The following DCC variants were observed in gnomAD, a reference collection of about 807,000 sequenced individuals.
DCC encodes netrin receptor DCC.
In DCC, 58 loss-of-function variants were observed where a neutral mutation model predicts 172.5. The ratio of observed to expected loss-of-function variants is 0.34; its 90% CI spans 0.27 to 0.42. DCC has a LOEUF of 0.42. Among genes scored for constraint, DCC ranks in the 10% least tolerant of loss-of-function variants. The pLI is 1.00. For synonymous variants in DCC, 709 were observed against 644.5 expected, an observed-to-expected ratio of 1.10 and a Z score of -1.52; for missense variants, 1,740 against 1,791.0, an observed-to-expected ratio of 0.97 and a Z score of 0.51.
At chr18:53,027,762 T>C (rs1199500275) in intron 5 of DCC, among the ~76,000 whole-genome samples, 1 of 152,126 alleles carries the variant, frequency 6.6e-6, no homozygotes, top group East Asian at 1.9e-4. Flanking sequence ...CTTTTACAGC[T>C]TTACTCTCCT....
chr18:53,210,874 C>T (rs554537190), intron 11 of DCC, among the ~76,000 whole-genome samples: 24 of 151,870 alleles, frequency 1.6e-4, no homozygotes, highest in African/African-American at 4.8e-4. Context: ...TAATTTAGCT[C>T]GGCTTTATTT....
chr18:52,889,307 C>A (rs1309577539), intron 2 of DCC, among the ~76,000 whole-genome samples: 33 of 151,988 alleles, frequency 2.2e-4, no homozygotes. Context: ...TTTCATTAAA[C>A]CACTAGGGAG....
chr18:52,614,155 G>A (rs1213144649), intron 1 of DCC, among the ~76,000 whole-genome samples: 2 of 152,158 alleles, frequency 1.3e-5, no homozygotes, highest in African/African-American at 4.8e-5. Context: ...CCCTGCTGGT[G>A]AAATTAATTC....
At chr18:52,856,636 A>AAAAAAAAAAAAAAAAAAC (rs2039059751) in intron 2 of DCC, among the ~76,000 whole-genome samples, 1 of 150,008 alleles carries the variant, frequency 6.7e-6, no homozygotes, top group Non-Finnish European at 1.5e-5. Context: ...AAAAAAAAAA[A>AAAAAAAAAAAAAAAAAAC]AAAAAAAGAA....
rs180927775 is a variant in DCC at position 52,627,505 on chromosome 18, T to C, written c.92-124549T>C. ...ATGCAAAATGAGAATAGTGTGATTTTATGATGCGTTGTATATAAAGAGAGG... is the reference window on the plus strand; with the variant it reads ...ATGCAAAATGAGAATAGTGTGATTTCATGATGCGTTGTATATAAAGAGAGG... On this transcript the variant is annotated intron_variant, in intron 1 of 28. Coordinates refer to ENST00000442544, the MANE Select transcript of DCC (RefSeq NM_005215.4). Among the ~76,000 whole-genome samples, 260 of 152,358 alleles carry C rather than the reference T, an allele frequency of 1.7e-3. 2 individuals are homozygous for C. The highest frequency in any genetic ancestry group is 6.0e-3 in the African/African-American group (248 of 41,586).
chr18:52,585,448 G>C (rs531615647), intron 1 of DCC, among the ~76,000 whole-genome samples: 11 of 152,214 alleles, frequency 7.2e-5, no homozygotes, highest in Admixed American at 7.2e-4. Flanking sequence ...GTTCATAGCA[G>C]TAAAAATAAT....
chr18:53,419,539 TC>T (rs773897197), intron 21 of DCC, among the ~76,000 whole-genome samples: 6 of 152,080 alleles, frequency 3.9e-5, no homozygotes, highest in Non-Finnish European at 8.8e-5. Flanking sequence ...TTTGATTTTT[TC>T]CCTTTTTTTC....
intron 12 of DCC, among the ~76,000 whole-genome samples, chr18:53,230,399 T>A (rs2056103378): frequency 6.6e-6 from 1 of 152,100 alleles, no homozygotes; most frequent in African/African-American, 2.4e-5. Flanking sequence ...CAGAATTTTT[T>A]AATGTTTGTT....
At chr18:53,408,502 C>T (rs769922684) in intron 19 of DCC, among the ~76,000 whole-genome samples, 4 of 152,148 alleles carry the variant, frequency 2.6e-5, no homozygotes, top group Non-Finnish European at 2.9e-5. Context: ...TATCTGCTAG[C>T]AAGGCAGATG....
At chr18:52,836,178 C>T (rs1346909231) in intron 2 of DCC, among the ~76,000 whole-genome samples, 1 of 152,158 alleles carries the variant, frequency 6.6e-6, no homozygotes, top group Non-Finnish European at 1.5e-5. Context: ...ATTCAGTTAT[C>T]TCCACCTGGT....
At chr18:53,012,200 G>A (rs1402378846) in intron 5 of DCC, among the ~76,000 whole-genome samples, 2 of 151,866 alleles carry the variant, frequency 1.3e-5, no homozygotes, top group Non-Finnish European at 2.9e-5. Flanking sequence ...ATATCCTAGA[G>A]ATACAAGTGC....
intron 1 of DCC, among the ~76,000 whole-genome samples, chr18:52,726,505 C>A (rs1482768630): frequency 3.3e-5 from 5 of 152,302 alleles, no homozygotes; most frequent in African/African-American, 1.2e-4. Context: ...CCTGGTCTCA[C>A]AATGCACCTG....
intron 1 of DCC, among the ~76,000 whole-genome samples, chr18:52,656,489 A>G (rs902765096): frequency 5.3e-5 from 8 of 152,200 alleles, no homozygotes; most frequent in East Asian, 3.9e-4. Context: ...GTATCTTGTT[A>G]TAACCCAAAT....
At chr18:52,875,921 T>A (rs2039397549) in intron 2 of DCC, among the ~76,000 whole-genome samples, 1 of 152,138 alleles carries the variant, frequency 6.6e-6, no homozygotes, top group African/African-American at 2.4e-5. Context: ...TGCCCAAGGA[T>A]GAAGAAATCA....
At chr18:53,087,630 G>T (rs369511547) in intron 7 of DCC, among the ~76,000 whole-genome samples, 23 of 152,096 alleles carry the variant, frequency 1.5e-4, no homozygotes, top group Admixed American at 4.6e-4. Flanking sequence ...GTCAATTTTG[G>T]CTTTTGTTGC....
chr18:52,856,559 G>A (rs1466391259), intron 2 of DCC, among the ~76,000 whole-genome samples: 2 of 144,952 alleles, frequency 1.4e-5, no homozygotes, highest in African/African-American at 5.2e-5. Flanking sequence ...CCGGGAGGCG[G>A]AGCTTGCAGT....
chr18:53,147,269 C>A (rs998315592), intron 7 of DCC, among the ~76,000 whole-genome samples: 1 of 152,160 alleles, frequency 6.6e-6, no homozygotes, highest in South Asian at 2.1e-4. Flanking sequence ...TCACCGTCCT[C>A]CTTCTCAGAA....
At chr18:53,022,000 G>A (rs957249945) in intron 5 of DCC, among the ~76,000 whole-genome samples, 1 of 151,984 alleles carries the variant, frequency 6.6e-6, no homozygotes, top group Admixed American at 6.6e-5. Context: ...TTAAAATGTT[G>A]GGAAAGCTAT....
At chr18:53,006,612 G>A (rs2041651010) in intron 5 of DCC, among the ~76,000 whole-genome samples, 1 of 152,200 alleles carries the variant, frequency 6.6e-6, no homozygotes, top group Non-Finnish European at 1.5e-5. Context: ...AGATAAGGTT[G>A]ATAACAATCT....
Sources: allele counts gnomAD v4.1 joint callset (sites outside exome capture counted in the v4.1 genomes callset), GRCh38; gene constraint gnomAD v4.1.1; transcripts MANE v1.5; gene names NCBI Gene and HGNC (gene_info 2026-07-23, HGNC 2026-07-21).